C10orf90: variants seen among roughly 807,000 people sequenced by gnomAD.
C10orf90 encodes the protein (E2-independent) E3 ubiquitin-conjugating enzyme FATS.
A neutral mutation model predicts 62.5 loss-of-function variants in C10orf90; 56 were observed. The ratio of observed to expected loss-of-function variants is 0.90; its 90% confidence interval spans 0.72 to 1.12. C10orf90 has a LOEUF of 1.12. Among genes scored for constraint, C10orf90 ranks in the 50% most tolerant of loss-of-function variants. The pLI is 0.00. For missense variants in C10orf90, 970 were observed against 880.4 expected, an observed-to-expected ratio of 1.10 and a Z score of -1.29; for synonymous variants, 386 against 340.4, an observed-to-expected ratio of 1.13 and a Z score of -1.47.
chr10:126,514,592 T>C (rs1406541372), intron 2 of C10orf90, among the ~76,000 whole-genome samples: 1 of 152,208 alleles, frequency 6.6e-6, no homozygotes, highest in East Asian at 1.9e-4. Flanking sequence ...ACTGGCTTAA[T>C]AACAGTGGAT....
At chr10:126,485,635 G>A (rs77741559) in intron 4 of C10orf90, among the ~76,000 whole-genome samples, 3,461 of 152,068 alleles carry the variant, frequency 0.023, 150 homozygotes, top group African/African-American at 0.078. Flanking sequence ...CTTGTGCTCT[G>A]AAGCAAATAA....
chr10:126,516,077 C>A (rs1863422793), intron 2 of C10orf90, among the ~76,000 whole-genome samples: 1 of 152,218 alleles, frequency 6.6e-6, no homozygotes, highest in Non-Finnish European at 1.5e-5. Flanking sequence ...TGGTTAAGAA[C>A]TTTGGAGTCA....
chr10:126,466,582 G>A (rs927846223), intron 4 of C10orf90, among the ~76,000 whole-genome samples: 6 of 152,122 alleles, frequency 3.9e-5, no homozygotes, highest in African/African-American at 9.7e-5. Context: ...GTAGTACAGA[G>A]GGAAGAGCAA....
chr10:126,518,639 G>A (rs1470954755), intron 2 of C10orf90, among the ~76,000 whole-genome samples: 1 of 152,138 alleles, frequency 6.6e-6, no homozygotes, highest in African/African-American at 2.4e-5. Context: ...AGTTATTGCT[G>A]GTTCATGACT....
Position 126,461,547 on chromosome 10 carries a change from C to G in C10orf90, c.1864G>C (p.Glu622Gln). The G allele has an allele frequency of 6.2e-7, 1 of 1,613,892 alleles. No homozygotes were observed. The highest frequency in any genetic ancestry group is 8.5e-7 in the Non-Finnish European group (1 of 1,179,948). Reference protein sequence around the residue: ...TCCDLVVKIKECKKSEDPTTP... With the variant: ...TCCDLVVKIKQCKKSEDPTTP... ...GTGGGGTCCTCACTCTTCTTACATT[C>G]CTTTATTTTTACAACCAAGTCACAG... Residue 622 changes from glutamate (E) to glutamine (Q), a missense_variant, in exon 6 of 10, where the codon GAA becomes CAA. By Grantham distance (29) the Glu-to-Gln change is conservative. Transcript: ENST00000488181.
chr10:126,434,019 C>G (rs575749336), intron 7 of C10orf90, among the ~76,000 whole-genome samples: 6 of 152,116 alleles, frequency 3.9e-5, no homozygotes, highest in Admixed American at 2.0e-4. Flanking sequence ...ACTTTTTTCC[C>G]CAAAAAGTCT....
chr10:126,453,555 G>A lies in C10orf90; in HGVS notation c.2188+5485C>T, dbSNP rs1024784898. On this transcript the variant is annotated intron_variant, in intron 7 of 9. Coordinates refer to ENST00000488181, the MANE Select transcript of C10orf90 (RefSeq NM_001350921.2). This position sits in a 1 kb window ranked among gnomAD's most constrained non-coding sequence, Gnocchi z 4.9. ...TAAGGGGACAAACTGAGAGAGCCAT[G>A]GAAGAGGACCCGGACAGGCGTCCTC... 6.6e-6 allele frequency among the ~76,000 whole-genome samples: 1 copy of A among 152,178 alleles called. No homozygotes were observed. The highest frequency in any genetic ancestry group is 1.5e-5 in the Non-Finnish European group (1 of 68,026).
At position 126,464,728 on chromosome 10, in the gene C10orf90, T is replaced by C. The variant is rs192378808; in HGVS notation, c.1793A>G (p.Asn598Ser). 9 of 1,613,354 alleles carry C rather than the reference T, an allele frequency of 5.6e-6. No homozygotes were observed. In the Admixed American group the frequency reaches 1.3e-4, roughly 24 times the overall value. ...QDVCASLQED[N>S]GVQIESKFPK... is the part of the protein sequence containing the mutation. Reference sequence around the variant, plus strand: ...GAACTTGCTTTCTATCTGAACACCATTGTCTTCCTGCAGAGATGCACATAC... The same window carrying C: ...GAACTTGCTTTCTATCTGAACACCACTGTCTTCCTGCAGAGATGCACATAC... Residue 598 changes from asparagine (N) to serine (S), a missense_variant, in exon 5 of 10, where the codon AAT becomes AGT. Physicochemically the swap from Asn to Ser is conservative, Grantham distance 46. Coordinates refer to ENST00000488181, the MANE Select transcript of C10orf90 (RefSeq NM_001350921.2).
At chr10:126,659,580 G>A (rs1432489506) in intron 1 of C10orf90, among the ~76,000 whole-genome samples, 2 of 152,144 alleles carry the variant, frequency 1.3e-5, no homozygotes, top group Non-Finnish European at 2.9e-5. Flanking sequence ...TTTTAGAGCT[G>A]TCTCAAAGTC....
intron 2 of C10orf90, among the ~76,000 whole-genome samples, chr10:126,571,115 G>T (rs1449374491): frequency 1.3e-5 from 2 of 152,224 alleles, no homozygotes; most frequent in African/African-American, 4.8e-5. Context: ...TTTTAAAGAA[G>T]CTGCAATTGG....
At chr10:126,573,139 C>A (rs1844541934) in intron 2 of C10orf90, among the ~76,000 whole-genome samples, 1 of 152,128 alleles carries the variant, frequency 6.6e-6, no homozygotes, top group African/African-American at 2.4e-5. Flanking sequence ...GTGAGCAATT[C>A]CTGTCCCTTT....
At chr10:126,552,149 A>G (rs1050576404) in intron 2 of C10orf90, among the ~76,000 whole-genome samples, 1 of 152,154 alleles carries the variant, frequency 6.6e-6, no homozygotes, top group Non-Finnish European at 1.5e-5. Flanking sequence ...CAGTGTAAAA[A>G]AGCCTCTATA....
At chr10:126,562,901 A>G (rs1864935688) in intron 2 of C10orf90, among the ~76,000 whole-genome samples, 1 of 152,196 alleles carries the variant, frequency 6.6e-6, no homozygotes. Context: ...AGATTCCCAG[A>G]GGAAGGGTGT....
intron 7 of C10orf90, among the ~76,000 whole-genome samples, chr10:126,441,714 A>AT (rs1338195561): frequency 6.6e-6 from 1 of 152,194 alleles, no homozygotes; most frequent in Non-Finnish European, 1.5e-5. Flanking sequence ...CCTAGAAGGG[A>AT]TTGGGGCCCT....
chr10:126,627,456 T>A (rs1845769055), intron 2 of C10orf90, among the ~76,000 whole-genome samples: 1 of 152,000 alleles, frequency 6.6e-6, no homozygotes, highest in Non-Finnish European at 1.5e-5. Flanking sequence ...AGGGAAACTT[T>A]GCAAAGGAGC....
intron 3 of C10orf90, among the ~76,000 whole-genome samples, chr10:126,512,404 CTGTGTGTCTG>C (rs879667427): frequency 0.12 from 2,464 of 21,254 alleles, 70 homozygotes; most frequent in African/African-American, 0.19. Flanking sequence ...GTGTGTGTGT[CTGTGTGTCTG>C]TGTGTGTGTG....
intron 2 of C10orf90, among the ~76,000 whole-genome samples, chr10:126,594,431 C>T (rs753628155): frequency 6.6e-6 from 1 of 152,084 alleles, no homozygotes. Context: ...AGGGGACATC[C>T]TCCTGAGTTA....
At chr10:126,516,208 CT>C in intron 2 of C10orf90, among the ~76,000 whole-genome samples, 1 of 152,152 alleles carries the variant, frequency 6.6e-6, no homozygotes, top group Non-Finnish European at 1.5e-5. Flanking sequence ...GCAATAACAC[CT>C]CCTGCAAAAA....
At chr10:126,594,083 A>AC (rs138028138) in intron 2 of C10orf90, among the ~76,000 whole-genome samples, 3,386 of 148,770 alleles carry the variant, frequency 0.023, 143 homozygotes, top group African/African-American at 0.079. Context: ...TCACATAGTT[A>AC]CCTAATTGCA....
Sources: gnomAD v4.1 joint callset for allele counts (sites outside exome capture counted in the v4.1 genomes callset) on GRCh38, gnomAD v4.1.1 for gene constraint, Gnocchi (gnomAD v3.1) non-coding constraint, MANE v1.5 for transcripts, NCBI Gene and HGNC (gene_info 2026-07-23, HGNC 2026-07-21) for gene names.